The following TACC1 variants were observed in gnomAD, a reference collection of about 807,000 sequenced individuals.
TACC1 encodes transforming acidic coiled-coil-containing protein 1.
In TACC1, 48 loss-of-function variants were observed where a neutral mutation model predicts 84.4. The ratio of observed to expected loss-of-function variants is 0.57; its 90% CI spans 0.45 to 0.72. The LOEUF (loss-of-function observed/expected upper bound fraction) is 0.72. TACC1 is among the 30% of genes least tolerant of loss of function. The pLI, the probability that TACC1 is intolerant of heterozygous loss-of-function variation, is 0.00. For synonymous variants in TACC1, 372 were observed against 376.3 expected (o/e 0.99, Z 0.13); for missense variants, 920 against 973.0 (o/e 0.95, Z 0.72).
intron 1 of TACC1, among the ~76,000 whole-genome samples, chr8:38,733,802 C>A (rs972604974): frequency 1.3e-5 from 2 of 152,008 alleles, no homozygotes; most frequent in Non-Finnish European, 2.9e-5. Context: ...TCTTAATTCA[C>A]GGGACAACCT....
chr8:38,823,575 A>C (rs1827344727), intron 3 of TACC1, among the ~76,000 whole-genome samples: 1 of 152,190 alleles, frequency 6.6e-6, no homozygotes, highest in South Asian at 2.1e-4. Context: ...GAGTCCTGCC[A>C]CCCTCACCCA....
chr8:38,812,468 TAGAA>T (rs906964931), intron 2 of TACC1, among the ~76,000 whole-genome samples: 3 of 152,064 alleles, frequency 2.0e-5, no homozygotes, highest in Non-Finnish European at 2.9e-5. Context: ...TTAGGAAAAA[TAGAA>T]AGAACCTACG....
At chr8:38,803,625 G>A (rs1405862822) in intron 2 of TACC1, among the ~76,000 whole-genome samples, 2 of 152,146 alleles carry the variant, frequency 1.3e-5, no homozygotes, top group Admixed American at 1.3e-4. Context: ...TTTGTTTGTG[G>A]TGTATAATCC....
At chr8:38,785,818 T>C, upstream of TACC1, 8 of 638,586 alleles carry the variant, frequency 1.3e-5, no homozygotes, top group Non-Finnish European at 1.6e-5. Context: ...TTCACTTCTT[T>C]ATAGTCGCTA....
At chr8:38,817,259 T>A (rs1217854696) in intron 2 of TACC1, among the ~76,000 whole-genome samples, 1 of 152,228 alleles carries the variant, frequency 6.6e-6, no homozygotes, top group Non-Finnish European at 1.5e-5. Context: ...ATTTGCAGCC[T>A]TAGGGTGCTG....
rs1832808716 is a variant in TACC1 at position 38,849,394 on chromosome 8, C to T, written c.*1371C>T. 3.3e-5 allele frequency: 5 copies of T among 152,212 alleles called. No homozygotes were observed. In the South Asian group the frequency reaches 1.0e-3, roughly 32 times the overall value. 9.4% of individuals were successfully genotyped at this position (152,212 alleles called of 1,614,324 possible). ...ATATAAATCTCAATGAATTCCCTTT[C>T]ATTTGAATAGGCAAACCCAAATCCA... On this transcript the variant is annotated 3_prime_UTR_variant, in exon 13 of 13. Transcript: ENST00000317827.
intron 2 of TACC1, among the ~76,000 whole-genome samples, chr8:38,815,606 A>T (rs1223631506): frequency 6.6e-6 from 1 of 152,024 alleles, no homozygotes; most frequent in African/African-American, 2.4e-5. Context: ...TTTAGTAGAG[A>T]TGGGGTTTCA....
intron 3 of TACC1, among the ~76,000 whole-genome samples, chr8:38,773,595 T>TATC (rs1457271019): frequency 1.4e-5 from 2 of 147,774 alleles, no homozygotes; most frequent in East Asian, 3.8e-4. Flanking sequence ...TCTAGCTATC[T>TATC]ATCTATCTAG....
At chr8:38,833,416 T>C (rs964159386) in intron 6 of TACC1, among the ~76,000 whole-genome samples, 2 of 152,220 alleles carry the variant, frequency 1.3e-5, no homozygotes, top group Admixed American at 1.3e-4. Context: ...CTGGAAAAGA[T>C]GGCTAAAGTA....
chr8:38,758,678 CA>C (rs773304871), intron 3 of TACC1, among the ~76,000 whole-genome samples: 1,042 of 26,018 alleles, frequency 0.04, 3 homozygotes, highest in African/African-American at 0.054. Context: ...GACTCCATCT[CA>C]AAAAAAAAAA....
intron 3 of TACC1, among the ~76,000 whole-genome samples, chr8:38,756,538 G>T (rs1364146949): frequency 1.3e-5 from 2 of 152,136 alleles, no homozygotes; most frequent in Non-Finnish European, 2.9e-5. Context: ...CAGATGAGAT[G>T]ATAGGGATAG....
At chr8:38,815,428 T>G (rs965121982) in intron 2 of TACC1, among the ~76,000 whole-genome samples, 1 of 151,840 alleles carries the variant, frequency 6.6e-6, no homozygotes. Context: ...TGTTTGTTTG[T>G]TTGTTTTTGA....
rs143508115 is a variant in TACC1 at position 38,848,207 on chromosome 8, A to C, written c.*184A>C. ...GCAACAGCCCTGGAAGAAACCCTAGAGGGTTGCATAGTCTAGAAAGGAGTG... is the reference window on the plus strand; with the variant it reads ...GCAACAGCCCTGGAAGAAACCCTAGCGGGTTGCATAGTCTAGAAAGGAGTG... On this transcript the variant is annotated 3_prime_UTR_variant, in exon 13 of 13. Transcript: ENST00000317827. 3.6e-6 allele frequency: 2 copies of C among 556,854 alleles called. 1 individual carries two copies. The highest frequency in any genetic ancestry group is 6.3e-6 in the Non-Finnish European group (2 of 317,044). 34.5% of individuals were successfully genotyped at this position (556,854 alleles called of 1,614,324 possible). A position where few individuals can be genotyped will look rare whatever the true frequency, so the allele number is the denominator to read the frequency against.
At chr8:38,794,193 A>G (rs1819423586) in intron 2 of TACC1, among the ~76,000 whole-genome samples, 1 of 152,250 alleles carries the variant, frequency 6.6e-6, no homozygotes, top group Non-Finnish European at 1.5e-5. Context: ...TTATTTAAAA[A>G]GGAAATTAGG....
At chr8:38,776,599 T>C (rs1814836964) in intron 3 of TACC1, among the ~76,000 whole-genome samples, 1 of 152,230 alleles carries the variant, frequency 6.6e-6, no homozygotes, top group African/African-American at 2.4e-5. Context: ...ACAGCAGTTG[T>C]AATAATTTTG....
intron 1 of TACC1, among the ~76,000 whole-genome samples, chr8:38,740,734 C>T (rs1806896252): frequency 6.6e-6 from 1 of 152,170 alleles, no homozygotes; most frequent in Admixed American, 6.5e-5. Flanking sequence ...TATTTTCTTC[C>T]ATCTTAACTC....
chr8:38,771,852 C>G lies in TACC1; in HGVS notation c.27-16852C>G, dbSNP rs573389923. The stretch of plus-strand genomic sequence containing the variant: ...CTGGGCTCAAGTGATCCTCCCAACT[C>G]AGCCTCCCTCCCAAGTAGTGAGGAC... On this transcript the variant is annotated intron_variant, in intron 3 of 14. Transcript: ENST00000518415. 3.3e-5 allele frequency among the ~76,000 whole-genome samples: 5 copies of G among 152,322 alleles called. No individual in the cohort carries two copies. The South Asian group carries it at 6.2e-4, about 19-fold the overall frequency.
upstream of TACC1, among the ~76,000 whole-genome samples, chr8:38,786,731 G>A (rs1338171279): frequency 6.6e-6 from 1 of 151,898 alleles, no homozygotes; most frequent in Non-Finnish European, 1.5e-5. Flanking sequence ...TTCAAATCCC[G>A]GGAATGCCAG....
intron 2 of TACC1, among the ~76,000 whole-genome samples, chr8:38,742,682 A>G (rs1563753118): frequency 6.6e-6 from 1 of 152,140 alleles, no homozygotes; most frequent in Non-Finnish European, 1.5e-5. Flanking sequence ...TCTGCTGCAT[A>G]GAATATATTT....
Sources: allele counts gnomAD v4.1 joint callset (sites outside exome capture counted in the v4.1 genomes callset), GRCh38; gene constraint gnomAD v4.1.1; transcripts MANE v1.5; gene names NCBI Gene and HGNC (gene_info 2026-07-23, HGNC 2026-07-21).